Variants in IRAG2 observed in about 807,000 individuals in gnomAD.
IRAG2 encodes the protein inositol 1,4,5-triphosphate receptor associated 2.
In IRAG2, 45 loss-of-function variants were observed where a neutral mutation model predicts 69.9. The ratio of observed to expected loss-of-function variants is 0.64; its 90% CI spans 0.51 to 0.83. The LOEUF is 0.83. IRAG2 is among the 40% of genes least tolerant of loss of function. The probability of loss-of-function intolerance (pLI) is 0.00; values close to 1 mark genes in which losing one functional copy is unlikely to be tolerated. For missense variants in IRAG2, 520 were observed against 587.0 expected (o/e 0.89, Z 1.18); for synonymous variants, 193 against 202.4 (o/e 0.95, Z 0.40).
chr12:25,032,248 A>C, intron 11 of IRAG2: 1 of 399,064 alleles, frequency 2.5e-6, no homozygotes, highest in Non-Finnish European at 4.4e-6. Flanking sequence ...TGGGCTTGTT[A>C]AATGTAAATT....
intron 9 of IRAG2, among the ~76,000 whole-genome samples, chr12:25,082,419 T>C (rs904475740): frequency 6.6e-6 from 1 of 151,704 alleles, no homozygotes; most frequent in African/African-American, 2.4e-5. Flanking sequence ...GGCAACATAG[T>C]GAAACCCCGT....
chr12:25,023,791 T>C, intron 7 of IRAG2: 10 of 675,630 alleles, frequency 1.5e-5, no homozygotes, highest in Non-Finnish European at 1.9e-5. Context: ...TGGTAGAGAA[T>C]GTCAGCCTTG....
In IRAG2 at chr12:25,083,426, C is replaced by G; in HGVS notation, c.248C>G (p.Thr83Arg). 6.2e-7 allele frequency: 1 copy of G among 1,609,174 alleles called. No individual in the cohort carries two copies. The highest frequency in any genetic ancestry group is 1.3e-5 in the African/African-American group (1 of 74,936). The change falls in exon 10 of 22, where the codon ACA becomes AGA. Residue 83 changes from threonine (T) to arginine (R), a missense_variant. Thr to Arg is a moderately conservative substitution (Grantham distance 71). Transcript: ENST00000556887. ...GTGTGTTTCCTGTTTCTCACAGGCA[C>G]AAGTCCAGCTCATGATAATATTGCA... ...SASPTIEAQG[T>R]SPAHDNIAFQ...
chr12:25,089,959 G>A (rs111750448), intron 13 of IRAG2, 98 bp from the exon 14 acceptor site: 81 of 1,381,560 alleles, frequency 5.9e-5, no homozygotes, highest in African/African-American at 4.4e-4. Flanking sequence ...GCTGGGGGGA[G>A]AAAGAAATGC....
At chr12:25,034,070 G>T (rs1944688374) in intron 13 of IRAG2, 1 of 395,078 alleles carries the variant, frequency 2.5e-6, no homozygotes, top group African/African-American at 2.1e-5. Flanking sequence ...TGTGCTGATA[G>T]TTCTTAGAGT....
At chr12:25,014,444 T>C (rs1944504424) in intron 3 of IRAG2, among the ~76,000 whole-genome samples, 1 of 152,158 alleles carries the variant, frequency 6.6e-6, no homozygotes, top group Non-Finnish European at 1.5e-5. Flanking sequence ...AACAATGAGA[T>C]GTAAACATAT....
intron 1 of IRAG2, among the ~76,000 whole-genome samples, chr12:25,060,828 T>A (rs1945583845): frequency 2.1e-5 from 3 of 142,406 alleles, no homozygotes; most frequent in Admixed American, 2.1e-4. Context: ...ACCCAGCTAA[T>A]TTTTGTATTT....
chr12:25,031,548 G>T (rs556589663), intron 10 of IRAG2, among the ~76,000 whole-genome samples: 2 of 152,270 alleles, frequency 1.3e-5, no homozygotes, highest in South Asian at 4.1e-4. Context: ...ATATAATTTT[G>T]TTTTGGGCTT....
chr12:25,063,713 T>C lies in IRAG2; in HGVS notation c.-303-7T>C, dbSNP rs1489628363. On this transcript the variant is annotated splice_polypyrimidine_tract_variant and splice_region_variant and intron_variant, in intron 3 of 21. Transcript: ENST00000556887. ...AGATGGCTAATACTACTTGGTTTTC[T>C]GTTCAGAAGCAGTGTTGCCACAAAC... The C allele has an allele frequency of 2.5e-6, 1 of 399,048 alleles. No homozygotes were observed. Among genetic ancestry groups the C allele is most frequent in the Non-Finnish European group, 4.4e-6 (1 of 226,044 alleles). The allele number at this position is 399,048 out of a possible 1,614,324, so 24.7% of individuals were successfully genotyped here. A position where few individuals can be genotyped will look rare whatever the true frequency, so the allele number is the denominator to read the frequency against.
At chr12:25,073,073 C>G (rs1406410714) in intron 6 of IRAG2, among the ~76,000 whole-genome samples, 1 of 152,046 alleles carries the variant, frequency 6.6e-6, no homozygotes, top group Non-Finnish European at 1.5e-5. Flanking sequence ...GTGGGTTGGC[C>G]TCTGTGTGAG....
At chr12:25,033,463 C>T (rs973278522) in intron 12 of IRAG2, among the ~76,000 whole-genome samples, 2 of 152,164 alleles carry the variant, frequency 1.3e-5, no homozygotes, top group African/African-American at 4.8e-5. Context: ...AAGTGCATTA[C>T]CGATATAAAG....
intron 16 of IRAG2, among the ~76,000 whole-genome samples, chr12:25,046,910 G>A (rs565246884): frequency 1.1e-4 from 16 of 152,180 alleles, no homozygotes; most frequent in East Asian, 9.6e-4. Flanking sequence ...AGACATTACC[G>A]TTCCTGATTT....
intron 16 of IRAG2, among the ~76,000 whole-genome samples, chr12:25,038,884 T>C (rs1295971897): frequency 6.6e-6 from 1 of 152,338 alleles, no homozygotes; most frequent in East Asian, 1.9e-4. Flanking sequence ...CTGGGTTTTA[T>C]GTTTGACCTC....
chr12:25,082,699 G>C (rs1450068432), intron 9 of IRAG2, among the ~76,000 whole-genome samples: 3 of 151,992 alleles, frequency 2.0e-5, no homozygotes, highest in Non-Finnish European at 4.4e-5. Flanking sequence ...TGAAGAAATT[G>C]CTTACCATTT....
chr12:25,009,322 A>G (rs2139818345), intron 2 of IRAG2, among the ~76,000 whole-genome samples: 1 of 152,314 alleles, frequency 6.6e-6, no homozygotes, highest in African/African-American at 2.4e-5. Flanking sequence ...TCCCAAAACT[A>G]TAATAAATAT....
At chr12:25,041,672 G>GTTT (rs71063390) in intron 16 of IRAG2, among the ~76,000 whole-genome samples, 8 of 134,934 alleles carry the variant, frequency 5.9e-5, no homozygotes, top group South Asian at 2.4e-4. Flanking sequence ...GTTTTTTTTT[G>GTTT]TTTTTTTTTT....
chr12:25,098,950 C>T (rs1009092629), intron 15 of IRAG2, among the ~76,000 whole-genome samples: 4 of 152,278 alleles, frequency 2.6e-5, no homozygotes, highest in Admixed American at 6.5e-5. Flanking sequence ...ATGCTTTCCT[C>T]ACTTAGCTTC....
intron 1 of IRAG2, among the ~76,000 whole-genome samples, chr12:25,059,262 A>G (rs1023262902): frequency 8.1e-6 from 1 of 123,304 alleles, no homozygotes; most frequent in African/African-American, 2.5e-5. Context: ...AATACAGTTA[A>G]GACAGAATTT....
intron 6 of IRAG2, among the ~76,000 whole-genome samples, chr12:25,074,631 C>A (rs1946557766): frequency 6.6e-6 from 1 of 152,024 alleles, no homozygotes; most frequent in African/African-American, 2.4e-5. Context: ...ATAGTAAAAC[C>A]TCAAAAAGAA....
Sources: gnomAD v4.1 joint callset for allele counts (sites outside exome capture counted in the v4.1 genomes callset) on GRCh38, gnomAD v4.1.1 for gene constraint, MANE v1.5 for transcripts, NCBI Gene and HGNC (gene_info 2026-07-23, HGNC 2026-07-21) for gene names.